Variants in NTN4 observed in about 807,000 individuals in gnomAD.
The protein encoded by NTN4 is netrin 4, also known as netrin-4.
In NTN4, 32 loss-of-function variants were observed where a neutral mutation model predicts 73.6. The observed-to-expected ratio is 0.44, with a 90% confidence interval of 0.33 to 0.58. The LOEUF is 0.58. NTN4 is among the 20% of genes least tolerant of loss of function. NTN4 has a pLI of 0.04. For missense variants in NTN4, 654 were observed against 798.3 expected (o/e 0.82, Z 2.18); for synonymous variants, 258 against 287.5 (o/e 0.90, Z 1.04).
Position 95,786,870 on chromosome 12 carries a change from A to T in NTN4, c.585+69T>A, listed in dbSNP as rs1268701551. On this transcript the variant is annotated intron_variant, in intron 2 of 9. Coordinates refer to ENST00000343702, the MANE Select transcript of NTN4 (RefSeq NM_021229.4). The stretch of plus-strand genomic sequence containing the variant: ...TGCTACAAGTATAGCTTCATGCTTT[A>T]AAAAAAAATGCGGGCTGGTAACATT... 6 of 1,111,938 alleles carry T rather than the reference A, an allele frequency of 5.4e-6. No individual in the cohort carries two copies. The Admixed American group carries it at 6.9e-5, about 13-fold the overall frequency. 68.9% of individuals were successfully genotyped at this position (1,111,938 alleles called of 1,614,324 possible). A position where few individuals can be genotyped will look rare whatever the true frequency, so the allele number is the denominator to read the frequency against.
intron 2 of NTN4, among the ~76,000 whole-genome samples, chr12:95,773,380 T>C (rs1230845264): frequency 6.6e-6 from 1 of 152,190 alleles, no homozygotes; most frequent in Admixed American, 6.5e-5. Flanking sequence ...ATGGTTCAAA[T>C]TGGGGCTCCT....
At chr12:95,774,249 T>A (rs2079076889) in intron 2 of NTN4, among the ~76,000 whole-genome samples, 1 of 151,892 alleles carries the variant, frequency 6.6e-6, no homozygotes, top group Non-Finnish European at 1.5e-5. Flanking sequence ...GGCAAATTAA[T>A]CATCCCAGCT....
At chr12:95,664,357 C>CTATT (rs777129617) in intron 9 of NTN4, among the ~76,000 whole-genome samples, 1 of 152,168 alleles carries the variant, frequency 6.6e-6, no homozygotes, top group East Asian at 1.9e-4. Context: ...CATGCCCAGT[C>CTATT]TATTTATTTA....
chr12:95,739,453 A>G (rs559665329), intron 2 of NTN4, among the ~76,000 whole-genome samples: 215 of 152,316 alleles, frequency 1.4e-3, no homozygotes, highest in African/African-American at 4.3e-3. Flanking sequence ...TTTCCAACAA[A>G]CAATATGTCA....
chr12:95,733,328 T>C (rs754161699), intron 3 of NTN4, among the ~76,000 whole-genome samples: 19 of 152,204 alleles, frequency 1.2e-4, no homozygotes, highest in South Asian at 2.1e-4. Context: ...AAGCACAGTT[T>C]TCCTTGCCAC....
At chr12:95,741,427 TTATATA>T (rs1174318245) in intron 2 of NTN4, among the ~76,000 whole-genome samples, 4,760 of 50,694 alleles carry the variant, frequency 0.094, 225 homozygotes, top group Non-Finnish European at 0.12. Flanking sequence ...TATGTATAAA[TTATATA>T]TATATATATA....
At chr12:95,759,384 T>C (rs990038599) in intron 2 of NTN4, among the ~76,000 whole-genome samples, 7 of 152,180 alleles carry the variant, frequency 4.6e-5, no homozygotes, top group African/African-American at 9.6e-5. Context: ...TACTTAATCA[T>C]CTTTTCTGTC....
chr12:95,672,026 T>G (rs1179864125), intron 7 of NTN4, among the ~76,000 whole-genome samples: 1 of 151,600 alleles, frequency 6.6e-6, no homozygotes, highest in African/African-American at 2.4e-5. Context: ...ATTATAGAGA[T>G]AAAAGAGTGA....
intron 2 of NTN4, among the ~76,000 whole-genome samples, chr12:95,777,069 T>C (rs1223443995): frequency 1.3e-5 from 2 of 152,172 alleles, no homozygotes; most frequent in Admixed American, 6.5e-5. Context: ...CTAAGCTTCA[T>C]AAGTGAAGAA....
In NTN4 at chr12:95,737,855, G is replaced by A. The variant is rs745797794; in HGVS notation, c.864+11C>T. 12 of 1,601,308 alleles carry A rather than the reference G, an allele frequency of 7.5e-6. No homozygotes were observed. Among genetic ancestry groups the A allele is most frequent in the Middle Eastern group, 1.7e-4 (1 of 6,018 alleles). ...ATTTGTTTTTCTTAGGGGAGGACTTGTTTCACCTACCATGTGGAATGTTCC... is the reference window on the plus strand; with the variant it reads ...ATTTGTTTTTCTTAGGGGAGGACTTATTTCACCTACCATGTGGAATGTTCC... On this transcript the variant is annotated intron_variant, in intron 3 of 9. Transcript: ENST00000343702.
chr12:95,751,908 G>A (rs1355157540), intron 2 of NTN4, among the ~76,000 whole-genome samples: 4 of 138,202 alleles, frequency 2.9e-5, no homozygotes, highest in African/African-American at 8.2e-5. Context: ...CTCCTTTTTA[G>A]TTATCCCCAC....
chr12:95,753,677 A>C (rs1416478376), intron 2 of NTN4, among the ~76,000 whole-genome samples: 1 of 151,392 alleles, frequency 6.6e-6, no homozygotes, highest in Non-Finnish European at 1.5e-5. Flanking sequence ...AGAACGGACT[A>C]AAGGTCTTTT....
At position 95,665,812 on chromosome 12, in the gene NTN4, G is replaced by A; in HGVS notation, c.1748C>T (p.Pro583Leu). The A allele has an allele frequency of 6.2e-7, 1 of 1,612,730 alleles. No homozygotes were observed. Among genetic ancestry groups the A allele is most frequent in the Non-Finnish European group, 8.5e-7 (1 of 1,179,228 alleles). Residue 583 changes from proline to leucine, a missense_variant and splice_region_variant, in exon 9 of 10, where the codon CCT becomes CTT. Coordinates refer to ENST00000343702, the MANE Select transcript of NTN4 (RefSeq NM_021229.4). ...DRGCTCPILN[P>L]GLEYLVAGHE... ...AGATAGGAAAGTCTAATACTCACCA[G>A]GATTGAGGATTGGACAAGTGCATCC...
In NTN4 at chr12:95,705,135, C is replaced by T. The variant is rs150588500; in HGVS notation, c.1180+5306G>A. 6.6e-5 allele frequency among the ~76,000 whole-genome samples: 10 copies of T among 152,148 alleles called. No individual in the cohort carries two copies. The East Asian group carries it at 1.9e-3, about 29-fold the overall frequency. ...ACTTGTTACAATTATGTTAGAATTA[C>T]AGACAAATATGTTACAATTACCTTA... On this transcript the variant is annotated intron_variant, in intron 5 of 9. Coordinates refer to ENST00000343702, the MANE Select transcript of NTN4 (RefSeq NM_021229.4).
intron 5 of NTN4, among the ~76,000 whole-genome samples, chr12:95,700,411 T>C (rs1382877788): frequency 1.3e-5 from 2 of 152,110 alleles, no homozygotes; most frequent in Non-Finnish European, 2.9e-5. Context: ...CCGGACGCCC[T>C]GTTGGAGATT....
intron 5 of NTN4, among the ~76,000 whole-genome samples, chr12:95,691,294 T>C (rs1565885892): frequency 6.7e-6 from 1 of 150,230 alleles, no homozygotes; most frequent in Non-Finnish European, 1.5e-5. Flanking sequence ...TCTTACTAAT[T>C]GTTGATTCTA....
At chr12:95,689,120 T>C (rs1029323278) in intron 5 of NTN4, among the ~76,000 whole-genome samples, 1 of 152,164 alleles carries the variant, frequency 6.6e-6, no homozygotes, top group African/African-American at 2.4e-5. Flanking sequence ...ACCACTACAA[T>C]AGAGCATGAA....
At chr12:95,742,696 T>A (rs1362733533) in intron 2 of NTN4, among the ~76,000 whole-genome samples, 2 of 152,198 alleles carry the variant, frequency 1.3e-5, no homozygotes, top group African/African-American at 4.8e-5. Context: ...ACTGTTCTAT[T>A]GTTGTTGCCT....
intron 5 of NTN4, among the ~76,000 whole-genome samples, chr12:95,685,377 G>A (rs139339433): frequency 1.8e-3 from 279 of 152,246 alleles, no homozygotes; most frequent in South Asian, 3.3e-3. Flanking sequence ...AGTGAGAAAC[G>A]CTGGGAGAAA....
Sources: allele counts gnomAD v4.1 joint callset (sites outside exome capture counted in the v4.1 genomes callset), GRCh38; gene constraint gnomAD v4.1.1; transcripts MANE v1.5; gene names NCBI Gene and HGNC (gene_info 2026-07-23, HGNC 2026-07-21).